The following CATSPERE variants were observed in gnomAD, a reference collection of about 807,000 sequenced individuals.
The protein encoded by CATSPERE is catsper channel auxiliary subunit epsilon, also known as cation channel sperm-associated auxiliary subunit epsilon.
Under a neutral mutation model 114.1 loss-of-function variants are expected in CATSPERE, and 93 were observed. The observed-to-expected ratio is 0.81, with a 90% CI of 0.69 to 0.97. The LOEUF (loss-of-function observed/expected upper bound fraction) is 0.97, where lower values mean the gene tolerates loss of function less well. CATSPERE is among the 50% of genes least tolerant of loss of function. The probability of loss-of-function intolerance (pLI) is 0.00; values close to 1 mark genes in which losing one functional copy is unlikely to be tolerated. For synonymous variants in CATSPERE, 341 were observed against 384.1 expected, an observed-to-expected ratio of 0.89 and a Z score of 1.31; for missense variants, 1,058 against 1,131.6, an observed-to-expected ratio of 0.93 and a Z score of 0.93.
chr1:244,490,883 T>G (rs1671999205), intron 6 of CATSPERE, among the ~76,000 whole-genome samples: 1 of 152,128 alleles, frequency 6.6e-6, no homozygotes, highest in South Asian at 2.1e-4. Context: ...TACCATAGTC[T>G]TGAAAAAAAA....
chr1:244,617,433 C>T (rs1671538616), intron 19 of CATSPERE, 96 bp from the exon 20 acceptor site: 1 of 950,392 alleles, frequency 1.1e-6, no homozygotes, highest in Non-Finnish European at 1.5e-6. Context: ...ATAGCCATTA[C>T]ATCTCTAAAT....
intron 21 of CATSPERE, among the ~76,000 whole-genome samples, chr1:244,638,685 T>C (rs6691483): frequency 0.66 from 99,819 of 152,022 alleles, 33,190 homozygotes; most frequent in Middle Eastern, 0.77. Context: ...CCCTATTCCA[T>C]TATTTAATCT....
chr1:244,503,082 TC>T (rs141480125), intron 7 of CATSPERE, among the ~76,000 whole-genome samples: 569 of 152,238 alleles, frequency 3.7e-3, no homozygotes, highest in African/African-American at 0.013. Context: ...GATGGGAGAT[TC>T]TATCAGGTTA....
intron 10 of CATSPERE, among the ~76,000 whole-genome samples, chr1:244,569,464 G>A (rs1255807876): frequency 6.6e-6 from 1 of 152,102 alleles, no homozygotes; most frequent in Non-Finnish European, 1.5e-5. Context: ...ATACTGATAT[G>A]TTCTTTATCT....
intron 10 of CATSPERE, among the ~76,000 whole-genome samples, chr1:244,561,887 C>T (rs10927260): frequency 0.19 from 28,191 of 151,938 alleles, 3,787 homozygotes; most frequent in East Asian, 0.42. Flanking sequence ...CGTGGTGGCT[C>T]ACGCTTCTAA....
intron 2 of CATSPERE, among the ~76,000 whole-genome samples, chr1:244,471,093 A>G (rs1278061027): frequency 6.6e-6 from 1 of 152,230 alleles, no homozygotes; most frequent in Non-Finnish European, 1.5e-5. Flanking sequence ...GATTACAGTA[A>G]TAGTTGCAGA....
chr1:244,571,023 T>C (rs1664361721), intron 10 of CATSPERE, among the ~76,000 whole-genome samples: 1 of 152,216 alleles, frequency 6.6e-6, no homozygotes, highest in Non-Finnish European at 1.5e-5. Flanking sequence ...TTGGACATTA[T>C]ATATAATCCA....
chr1:244,559,564 C>T lies in CATSPERE; in HGVS notation c.1030-1104C>T, dbSNP rs546341762. On this transcript the variant is annotated intron_variant, in intron 9 of 21. Transcript: ENST00000366534. ...GACTCCTTGATGAAATTAGGCCCAC[C>T]AAGTTTCAGGCACAGCAGTTTCTGA... Among the ~76,000 whole-genome samples, 42 of 152,244 alleles carry T rather than the reference C, an allele frequency of 2.8e-4. 1 individual carries two copies. In the South Asian group the frequency reaches 4.6e-3, roughly 17 times the overall value.
At chr1:244,495,517 T>C (rs1672945578) in intron 6 of CATSPERE, among the ~76,000 whole-genome samples, 1 of 151,962 alleles carries the variant, frequency 6.6e-6, no homozygotes, top group African/African-American at 2.4e-5. Context: ...GGTCAGGAGA[T>C]TGAGACCATC....
intron 20 of CATSPERE, among the ~76,000 whole-genome samples, chr1:244,628,354 T>A (rs1420652964): frequency 2.6e-5 from 4 of 152,126 alleles, no homozygotes; most frequent in African/African-American, 9.7e-5. Context: ...GGGAAATCCA[T>A]GCTTATAAGG....
chr1:244,632,350 T>C (rs1674057108), intron 20 of CATSPERE, among the ~76,000 whole-genome samples: 1 of 133,862 alleles, frequency 7.5e-6, no homozygotes, highest in Admixed American at 8.8e-5. Context: ...GGCAAGATCA[T>C]GCCATTGCAC....
intron 8 of CATSPERE, among the ~76,000 whole-genome samples, chr1:244,526,272 G>A (rs901663647): frequency 2.6e-5 from 4 of 152,040 alleles, no homozygotes; most frequent in African/African-American, 7.2e-5. Context: ...AGCCAGGCAT[G>A]GTGGCACACA....
chr1:244,526,981 A>G (rs12061365), intron 8 of CATSPERE, among the ~76,000 whole-genome samples: 18,490 of 152,136 alleles, frequency 0.12, 1,888 homozygotes, highest in African/African-American at 0.28. Flanking sequence ...GTGGGTCACA[A>G]AGATCACATG....
chr1:244,593,474 C>G (rs1031151488), intron 16 of CATSPERE, 25 bp from the exon 17 acceptor site: 2 of 1,612,990 alleles, frequency 1.2e-6, no homozygotes, highest in Middle Eastern at 1.7e-4. Context: ...TATATAAAAT[C>G]ACTAAAGTAG....
chr1:244,606,891 C>T (rs57423865), intron 18 of CATSPERE, among the ~76,000 whole-genome samples: 9,534 of 152,160 alleles, frequency 0.063, 1,008 homozygotes, highest in African/African-American at 0.22. Context: ...CGTGAGCCAC[C>T]GTGACTGGCA....
upstream of CATSPERE, among the ~76,000 whole-genome samples, chr1:244,452,310 G>T (rs1665672446): frequency 6.6e-6 from 1 of 152,264 alleles, no homozygotes; most frequent in African/African-American, 2.4e-5. Context: ...GTGTATTCTG[G>T]GGCCACTGTG....
chr1:244,531,810 T>G (rs1325991899), intron 8 of CATSPERE, among the ~76,000 whole-genome samples: 4 of 152,182 alleles, frequency 2.6e-5, no homozygotes, highest in Admixed American at 2.0e-4. Flanking sequence ...TATGTCTTTT[T>G]CTGGATTTGG....
chr1:244,472,429 C>T (rs146536937), intron 2 of CATSPERE, among the ~76,000 whole-genome samples: 1 of 152,224 alleles, frequency 6.6e-6, no homozygotes, highest in African/African-American at 2.4e-5. Context: ...GACCATTTTC[C>T]TGGTATACCT....
intron 1 of CATSPERE, among the ~76,000 whole-genome samples, chr1:244,462,277 G>A (rs1037785921): frequency 6.6e-6 from 1 of 152,114 alleles, no homozygotes; most frequent in African/African-American, 2.4e-5. Context: ...ACACCTATGG[G>A]CCTCTTAGAT....
Sources: gnomAD v4.1 joint callset for allele counts (sites outside exome capture counted in the v4.1 genomes callset) on GRCh38, gnomAD v4.1.1 for gene constraint, MANE v1.5 for transcripts, NCBI Gene and HGNC (gene_info 2026-07-23, HGNC 2026-07-21) for gene names.